The following SLC8A1 variants were observed in gnomAD, a reference collection of about 807,000 sequenced individuals.
SLC8A1 encodes the protein solute carrier family 8 member A1.
SLC8A1 carries 18 observed loss-of-function variants against 68.3 expected under a neutral mutation model. The observed-to-expected ratio is 0.26, with a 90% confidence interval of 0.18 to 0.39. SLC8A1 has a LOEUF of 0.39. SLC8A1 is among the 10% of genes least tolerant of loss of function. The probability of loss-of-function intolerance (pLI) is 1.00; values close to 1 mark genes in which losing one functional copy is unlikely to be tolerated. For missense variants in SLC8A1, 985 were observed against 1,156.7 expected (o/e 0.85, Z 2.15); for synonymous variants, 475 against 415.5 (o/e 1.14, Z -1.74).
At chr2:40,355,464 T>C (rs931886349) in intron 2 of SLC8A1, among the ~76,000 whole-genome samples, 1 of 152,078 alleles carries the variant, frequency 6.6e-6, no homozygotes, top group Non-Finnish European at 1.5e-5. Flanking sequence ...AAGGGCACTG[T>C]TGGAGGGGTG....
intron 5 of SLC8A1, among the ~76,000 whole-genome samples, chr2:40,163,024 T>C (rs2045954284): frequency 6.6e-6 from 1 of 152,202 alleles, no homozygotes; most frequent in Non-Finnish European, 1.5e-5. Flanking sequence ...TTCTAAAACA[T>C]GCCCCTAACG....
chr2:40,302,577 T>C (rs1281933308), intron 2 of SLC8A1, among the ~76,000 whole-genome samples: 1 of 148,638 alleles, frequency 6.7e-6, no homozygotes, highest in East Asian at 2.0e-4. Context: ...ATAACATATA[T>C]ATCATATATA....
chr2:40,453,691 T>C (rs1702817225), upstream of SLC8A1, among the ~76,000 whole-genome samples: 1 of 152,186 alleles, frequency 6.6e-6, no homozygotes, highest in African/African-American at 2.4e-5. Context: ...GCAATGAAGG[T>C]TGAGAACCAC....
At chr2:40,259,267 TA>T (rs1230950566) in intron 2 of SLC8A1, among the ~76,000 whole-genome samples, 1 of 152,210 alleles carries the variant, frequency 6.6e-6, no homozygotes, top group Non-Finnish European at 1.5e-5. Context: ...AGCCTTCCAT[TA>T]CAAATACTTG....
intron 4 of SLC8A1, among the ~76,000 whole-genome samples, chr2:40,168,125 G>A (rs868546233): frequency 6.6e-6 from 1 of 152,016 alleles, no homozygotes; most frequent in Non-Finnish European, 1.5e-5. Context: ...CTACTTTCCA[G>A]GAACTTATGA....
At chr2:40,215,047 A>G (rs1270061193) in intron 2 of SLC8A1, among the ~76,000 whole-genome samples, 1 of 152,166 alleles carries the variant, frequency 6.6e-6, no homozygotes, top group Non-Finnish European at 1.5e-5. Flanking sequence ...TATATTTGCT[A>G]GTTCTTTTTG....
intron 1 of SLC8A1, among the ~76,000 whole-genome samples, chr2:40,444,644 A>C (rs1359584290): frequency 1.3e-5 from 2 of 152,210 alleles, no homozygotes; most frequent in African/African-American, 4.8e-5. Context: ...CTGTTCTCGT[A>C]AGGCGCACAA....
chr2:40,501,670 T>G (rs1706067382), intron 1 of SLC8A1, among the ~76,000 whole-genome samples: 1 of 151,916 alleles, frequency 6.6e-6, no homozygotes. Context: ...AATGTTTCTT[T>G]CATGTACTTC....
chr2:40,188,429 G>A (rs909845669), intron 2 of SLC8A1, among the ~76,000 whole-genome samples: 10 of 152,194 alleles, frequency 6.6e-5, no homozygotes, highest in African/African-American at 1.9e-4. Context: ...TGCCTATTAC[G>A]AGAATTTAGA....
At chr2:40,454,255 A>C (rs886451334), upstream of SLC8A1, among the ~76,000 whole-genome samples, 1 of 152,198 alleles carries the variant, frequency 6.6e-6, no homozygotes, top group Non-Finnish European at 1.5e-5. Flanking sequence ...GAAATAGAAC[A>C]CAGCCAAATG....
intron 2 of SLC8A1, among the ~76,000 whole-genome samples, chr2:40,194,868 T>G (rs2052656260): frequency 6.6e-6 from 1 of 151,238 alleles, no homozygotes. Context: ...TATCAGGGAG[T>G]CTGTACAAAG....
At chr2:40,470,120 T>C (rs1440409289) in intron 1 of SLC8A1, among the ~76,000 whole-genome samples, 1 of 152,164 alleles carries the variant, frequency 6.6e-6, no homozygotes, top group Non-Finnish European at 1.5e-5. Flanking sequence ...TTCTGCATAC[T>C]CTTCTTATTT....
intron 2 of SLC8A1, among the ~76,000 whole-genome samples, chr2:40,260,708 C>T (rs1014570699): frequency 3.3e-5 from 5 of 150,018 alleles, no homozygotes; most frequent in African/African-American, 1.2e-4. Context: ...AATTATTGAC[C>T]TTTCCTTTCA....
intron 2 of SLC8A1, among the ~76,000 whole-genome samples, chr2:40,419,014 C>A (rs1694723335): frequency 1.3e-5 from 2 of 152,192 alleles, no homozygotes; most frequent in South Asian, 4.1e-4. Flanking sequence ...CACAGAGAGG[C>A]TTTAGGGGTG....
intron 2 of SLC8A1, among the ~76,000 whole-genome samples, chr2:40,387,042 T>C (rs936271996): frequency 6.6e-6 from 1 of 151,412 alleles, no homozygotes; most frequent in Non-Finnish European, 1.5e-5. Flanking sequence ...AAATTGTACA[T>C]GAGCATAACA....
At chr2:40,306,450 T>G in intron 2 of SLC8A1, among the ~76,000 whole-genome samples, 1 of 127,516 alleles carries the variant, frequency 7.8e-6, no homozygotes, top group African/African-American at 3.1e-5. Context: ...AAGGAATGGT[T>G]GTGGGGGGGG....
intron 2 of SLC8A1, among the ~76,000 whole-genome samples, chr2:40,350,490 AT>A (rs1670716045): frequency 6.7e-6 from 1 of 149,574 alleles, no homozygotes; most frequent in African/African-American, 2.5e-5. Context: ...CCCTAAAAAA[AT>A]GTCATTTATC....
intron 2 of SLC8A1, among the ~76,000 whole-genome samples, chr2:40,309,077 G>C (rs912867204): frequency 6.6e-6 from 1 of 151,962 alleles, no homozygotes; most frequent in African/African-American, 2.4e-5. Context: ...GAAAAAAAAA[G>C]CTTCACCAGT....
chr2:40,486,536 G>A (rs989080660), intron 1 of SLC8A1, among the ~76,000 whole-genome samples: 1 of 151,996 alleles, frequency 6.6e-6, no homozygotes. Context: ...ATACTCCATA[G>A]TGTGTTTTAT....
Sources: gnomAD v4.1 joint callset for allele counts (sites outside exome capture counted in the v4.1 genomes callset) on GRCh38, gnomAD v4.1.1 for gene constraint, MANE v1.5 for transcripts, NCBI Gene and HGNC (gene_info 2026-07-23, HGNC 2026-07-21) for gene names.